The following PDGFRB variants were observed in gnomAD, a reference collection of about 807,000 sequenced individuals.
The protein encoded by PDGFRB is platelet derived growth factor receptor beta.
PDGFRB carries 42 observed loss-of-function variants against 120.2 expected under a neutral mutation model. That is an observed-to-expected ratio of 0.35 (90% CI 0.27 to 0.45). The LOEUF (loss-of-function observed/expected upper bound fraction) is 0.45, where lower values mean the gene tolerates loss of function less well. Ranked by LOEUF, PDGFRB falls within the 20% of genes least tolerant of loss-of-function variation. The pLI, the probability that PDGFRB is intolerant of heterozygous loss-of-function variation, is 1.00. For missense variants in PDGFRB, 1,149 were observed against 1,476.3 expected, an observed-to-expected ratio of 0.78 and a Z score of 3.63; for synonymous variants, 586 against 606.8, an observed-to-expected ratio of 0.97 and a Z score of 0.50.
At position 150,136,618 on chromosome 5, in the gene PDGFRB, G is replaced by A. The variant is rs532288831; in HGVS notation, c.40+390C>T. 2.0e-5 allele frequency among the ~76,000 whole-genome samples: 3 copies of A among 152,290 alleles called. No individual in the cohort carries two copies. In the South Asian group the frequency reaches 6.2e-4, roughly 32 times the overall value. ...GAGCTGAAGACATGTTAACGGGCAGGAGTGAGGGGTGGGGTGTGCTGAGAA... is the reference window on the plus strand; with the variant it reads ...GAGCTGAAGACATGTTAACGGGCAGAAGTGAGGGGTGGGGTGTGCTGAGAA... On this transcript the variant is annotated intron_variant, in intron 2 of 22. Transcript: ENST00000261799.
rs1238451735 is a variant in PDGFRB at position 150,135,854 on chromosome 5, A to C, written c.65T>G (p.Leu22Arg). 1.3e-6 allele frequency: 2 copies of C among 1,531,730 alleles called. No homozygotes were observed. The highest frequency in any genetic ancestry group is 2.1e-5 in the Admixed American group (1 of 47,386). The allele number at this position is 1,531,730 out of a possible 1,614,324, so 94.9% of individuals were successfully genotyped here. ...LKGELLLLSLLLLLEPQISQG... is the reference protein window; with the variant it reads ...LKGELLLLSLRLLLEPQISQG... ...AGAGATCTGTGGTTCCAGAAGTAAC[A>C]GGAGAGACAGCAACAGCAGCTCGCC... is the stretch of plus-strand genomic sequence containing the variant. The change falls in exon 3 of 23, where the codon CTG becomes CGG. Residue 22 changes from leucine to arginine, a missense_variant. Coordinates refer to ENST00000261799, the MANE Select transcript of PDGFRB (RefSeq NM_002609.4).
rs190096676 is a variant in PDGFRB, at chr5:150,121,606, T to G, written c.2344+274A>C. The stretch of plus-strand genomic sequence containing the variant: ...AGACCAGCCTGGGGCTGAAGCTGAG[T>G]AGATCACTTTCCCTACCACGACAAA... On this transcript the variant is annotated intron_variant, in intron 16 of 22. Transcript: ENST00000261799. This position sits in a 1 kb window ranked among gnomAD's most constrained non-coding sequence, Gnocchi z 4.1. Among the ~76,000 whole-genome samples, 5 of 152,056 alleles carry G rather than the reference T, an allele frequency of 3.3e-5. No individual in the cohort carries two copies. Among genetic ancestry groups the G allele is most frequent in the Admixed American group, 2.0e-4 (3 of 15,288 alleles).
At chr5:150,123,016 T>C (rs779152114) in intron 15 of PDGFRB, 26 bp downstream of exon 15, 59 of 1,604,550 alleles carry the variant, frequency 3.7e-5, no homozygotes, top group Non-Finnish European at 5.0e-5. Flanking sequence ...TCCCAAAGAT[T>C]CAGTCCCTGG....
chr5:150,144,362 G>A (rs1017426655), intron 1 of PDGFRB, among the ~76,000 whole-genome samples: 3 of 152,144 alleles, frequency 2.0e-5, no homozygotes, highest in African/African-American at 7.2e-5. Flanking sequence ...CCTCACAACT[G>A]AGGGAGGAAG....
chr5:150,147,598 C>G (rs1760960072), intron 1 of PDGFRB, among the ~76,000 whole-genome samples: 1 of 152,188 alleles, frequency 6.6e-6, no homozygotes, highest in Non-Finnish European at 1.5e-5. Context: ...TGAGTAAACC[C>G]TTCACTTATC....
intron 2 of PDGFRB, among the ~76,000 whole-genome samples, chr5:150,136,321 G>A (rs777155342): frequency 5.3e-5 from 8 of 152,316 alleles, no homozygotes; most frequent in African/African-American, 1.7e-4. Context: ...GGGAGGGAGG[G>A]GCTTAGGTAG....
chr5:150,126,902 C>T (rs919665651), intron 10 of PDGFRB, among the ~76,000 whole-genome samples: 6 of 152,220 alleles, frequency 3.9e-5, no homozygotes, highest in Non-Finnish European at 8.8e-5. Context: ...GAGCTCTGGA[C>T]GGGGTGCAAA....
intron 1 of PDGFRB, among the ~76,000 whole-genome samples, chr5:150,140,898 A>G (rs1273827197): frequency 1.3e-5 from 2 of 152,144 alleles, no homozygotes; most frequent in Admixed American, 6.5e-5. Flanking sequence ...GCCTTAATCT[A>G]AATAAATCCA....
intron 15 of PDGFRB, 55 bp downstream of exon 15, chr5:150,122,987 G>A: frequency 6.7e-6 from 10 of 1,491,264 alleles, no homozygotes; most frequent in Non-Finnish European, 9.3e-6. Flanking sequence ...GGAGGGGAAG[G>A]AGCGGTGCTC....
intron 20 of PDGFRB, among the ~76,000 whole-genome samples, chr5:150,119,133 G>C (rs912827863): frequency 6.6e-6 from 1 of 152,234 alleles, no homozygotes; most frequent in African/African-American, 2.4e-5. Context: ...TTCCACGGTT[G>C]GTTCTTGATG....
chr5:150,146,436 G>A (rs1409089984), intron 1 of PDGFRB, among the ~76,000 whole-genome samples: 1 of 152,180 alleles, frequency 6.6e-6, no homozygotes. Flanking sequence ...TTTTACAGAG[G>A]AGAATGATGA....
chr5:150,140,667 G>A (rs914485331), intron 1 of PDGFRB, among the ~76,000 whole-genome samples: 1 of 151,736 alleles, frequency 6.6e-6, no homozygotes, highest in Non-Finnish European at 1.5e-5. Context: ...GTCTAGGGGA[G>A]CGGAGTAAGG....
Position 150,133,908 on chromosome 5 carries a change from G to C in PDGFRB, c.732C>G (p.Asn244Lys), listed in dbSNP as rs750613456. Residue 244 changes from asparagine to lysine, a missense_variant, in exon 5 of 23, where the codon AAC (asparagine) becomes AAG (lysine). Asn to Lys is a moderately conservative substitution (Grantham distance 94). Around this residue, in one of 3 missense-constraint regions of PDGFRB, gnomAD observed 879 missense variants for 1,108.6 expected, o/e 0.79. Coordinates refer to ENST00000261799, the MANE Select transcript of PDGFRB (RefSeq NM_002609.4). ...MCIVIGNEVVNFEWTYPRKES... is the reference protein window; with the variant it reads ...MCIVIGNEVVKFEWTYPRKES... ...CTTTGCGGGGGTATGTCCACTCGAA[G>C]TTGACCACCTCATTCCCGATCACAA... The C allele has an allele frequency of 6.2e-7, 1 of 1,613,998 alleles. No individual in the cohort carries two copies. Among genetic ancestry groups the C allele is most frequent in the African/African-American group, 1.3e-5 (1 of 74,910 alleles).
At chr5:150,130,506 G>A (rs1389078827) in intron 9 of PDGFRB, 33 bp downstream of exon 9, 2 of 1,603,684 alleles carry the variant, frequency 1.2e-6, no homozygotes, top group African/African-American at 1.3e-5. Flanking sequence ...GCCAGCTGGG[G>A]ACACTGGGAG....
At chr5:150,129,231 C>T (rs1035438142) in intron 10 of PDGFRB, among the ~76,000 whole-genome samples, 5 of 152,172 alleles carry the variant, frequency 3.3e-5, no homozygotes, top group African/African-American at 1.2e-4. Context: ...GTGTACCCAC[C>T]GGTACATGCA....
intron 1 of PDGFRB, among the ~76,000 whole-genome samples, chr5:150,150,450 C>G (rs1304160278): frequency 6.6e-6 from 1 of 152,212 alleles, no homozygotes; most frequent in African/African-American, 2.4e-5. Flanking sequence ...GAAGCTGGTA[C>G]CTCTGGCAGA....
Position 150,124,328 on chromosome 5 carries a change from T to C in PDGFRB, c.1945A>G (p.Met649Val). ...TARSSEKQAL[M>V]SELKIMSHLG... is the part of the protein sequence containing the mutation. ...TGACTCATGATCTTCAGCTCCGACA[T>C]AAGGGCTTGCTTCTCACTGCTGCGG... The change falls in exon 14 of 23, where the codon ATG (methionine) becomes GTG (valine). Residue 649 changes from methionine (M) to valine (V), a missense_variant. By Grantham distance (21) the Met-to-Val change is conservative (BLOSUM62 1). Transcript: ENST00000261799. The C allele has an allele frequency of 6.2e-7, 1 of 1,614,134 alleles. No individual in the cohort carries two copies. The highest frequency in any genetic ancestry group is 1.1e-5 in the South Asian group (1 of 91,080).
chr5:150,124,169 A>G (rs1760224656), intron 14 of PDGFRB, 81 bp downstream of exon 14: 1 of 917,274 alleles, frequency 1.1e-6, no homozygotes, highest in Non-Finnish European at 1.7e-6. Context: ...CTGTTGTGCA[A>G]GGCCTGAGGG....
At chr5:150,134,463 A>G (rs1760565098) in intron 4 of PDGFRB, among the ~76,000 whole-genome samples, 1 of 152,232 alleles carries the variant, frequency 6.6e-6, no homozygotes, top group Non-Finnish European at 1.5e-5. Context: ...GAAATAGCAA[A>G]GCTGGGATTT....
Sources: allele counts gnomAD v4.1 joint callset (sites outside exome capture counted in the v4.1 genomes callset), GRCh38; gene constraint gnomAD v4.1.1; regional missense constraint gnomAD v4.1.1; non-coding constraint Gnocchi (gnomAD v3.1); transcripts MANE v1.5; gene names NCBI Gene and HGNC (gene_info 2026-07-23, HGNC 2026-07-21).